The following ROBO1 variants were observed in gnomAD, a reference collection of about 807,000 sequenced individuals.
The protein encoded by ROBO1 is roundabout guidance receptor 1.
A neutral mutation model predicts 195.9 loss-of-function variants in ROBO1; 149 were observed. The ratio of observed to expected loss-of-function variants is 0.76; its 90% CI spans 0.67 to 0.87. The LOEUF is 0.87. ROBO1 is among the 40% of genes least tolerant of loss of function. The probability of loss-of-function intolerance (pLI) is 0.00; values close to 1 mark genes in which losing one functional copy is unlikely to be tolerated. For missense variants in ROBO1, 1,933 were observed against 2,068.3 expected, an observed-to-expected ratio of 0.93 and a Z score of 1.27; for synonymous variants, 816 against 733.2, an observed-to-expected ratio of 1.11 and a Z score of -1.82.
At chr3:79,106,517 C>T (rs2079783319) in intron 3 of ROBO1, among the ~76,000 whole-genome samples, 1 of 151,506 alleles carries the variant, frequency 6.6e-6, no homozygotes, top group African/African-American at 2.4e-5. Flanking sequence ...TTAGCACTTT[C>T]CTCATGTATT....
At chr3:79,147,583 C>G (rs539351602) in intron 2 of ROBO1, among the ~76,000 whole-genome samples, 63 of 151,986 alleles carry the variant, frequency 4.1e-4, no homozygotes, top group African/African-American at 1.5e-3. Flanking sequence ...GGGAGACCAG[C>G]CAGCATCATT....
intron 2 of ROBO1, among the ~76,000 whole-genome samples, chr3:79,152,021 G>A (rs993069041): frequency 4.0e-5 from 6 of 151,442 alleles, no homozygotes; most frequent in African/African-American, 7.3e-5. Flanking sequence ...ACATTTATAC[G>A]AATACATATT....
At chr3:79,331,405 G>C (rs2034433507) in intron 2 of ROBO1, among the ~76,000 whole-genome samples, 2 of 152,062 alleles carry the variant, frequency 1.3e-5, no homozygotes, top group South Asian at 4.1e-4. Context: ...AAATAATTAA[G>C]ATAAAACAGT....
chr3:78,942,147 A>T (rs1009559797), intron 3 of ROBO1, among the ~76,000 whole-genome samples: 2 of 152,062 alleles, frequency 1.3e-5, no homozygotes, highest in Non-Finnish European at 2.9e-5. Context: ...TAAAAAATTC[A>T]AACAATTAGC....
intron 3 of ROBO1, among the ~76,000 whole-genome samples, chr3:78,948,471 A>G (rs911795375): frequency 1.3e-5 from 2 of 152,198 alleles, no homozygotes; most frequent in African/African-American, 4.8e-5. Context: ...ACAACTCTTC[A>G]TGCTAAAAGC....
intron 4 of ROBO1, among the ~76,000 whole-genome samples, chr3:78,817,258 G>A (rs539839446): frequency 6.6e-6 from 1 of 152,194 alleles, no homozygotes; most frequent in Non-Finnish European, 1.5e-5. Context: ...ATCAAGACAA[G>A]ACTGTCTACC....
At chr3:78,698,589 G>C (rs2081352167) in intron 8 of ROBO1, among the ~76,000 whole-genome samples, 1 of 152,114 alleles carries the variant, frequency 6.6e-6, no homozygotes. Context: ...GGAAGGCAGA[G>C]AGCTACTAGC....
intron 4 of ROBO1, among the ~76,000 whole-genome samples, chr3:78,861,942 C>T (rs1336520075): frequency 6.6e-6 from 1 of 152,164 alleles, no homozygotes; most frequent in African/African-American, 2.4e-5. Flanking sequence ...AGATTTACAA[C>T]AACCTAAGGG....
At chr3:79,563,329 A>G (rs1355130280) in intron 2 of ROBO1, among the ~76,000 whole-genome samples, 2 of 152,084 alleles carry the variant, frequency 1.3e-5, no homozygotes, top group African/African-American at 2.4e-5. Context: ...ACTACAAATG[A>G]TAAGATGTAA....
chr3:79,255,198 A>C (rs1243938646), intron 2 of ROBO1, among the ~76,000 whole-genome samples: 1 of 152,106 alleles, frequency 6.6e-6, no homozygotes, highest in African/African-American at 2.4e-5. Flanking sequence ...TAAAACAAAT[A>C]AAAATAAAAA....
intron 4 of ROBO1, among the ~76,000 whole-genome samples, chr3:78,762,675 A>C (rs1006825807): frequency 1.3e-5 from 2 of 152,170 alleles, no homozygotes; most frequent in Admixed American, 1.3e-4. Flanking sequence ...AACTTCCCCC[A>C]AAATAAAAGA....
intron 4 of ROBO1, among the ~76,000 whole-genome samples, chr3:78,866,266 A>G (rs2035171979): frequency 6.6e-6 from 1 of 152,236 alleles, no homozygotes; most frequent in African/African-American, 2.4e-5. Context: ...AAAGCAATAG[A>G]GCATTTAGAA....
chr3:79,504,502 T>A (rs563826025), intron 2 of ROBO1, among the ~76,000 whole-genome samples: 1 of 152,262 alleles, frequency 6.6e-6, no homozygotes, highest in South Asian at 2.1e-4. Flanking sequence ...AAAGATATAT[T>A]TTTTAAGCTT....
intron 2 of ROBO1, among the ~76,000 whole-genome samples, chr3:79,510,663 T>C (rs1228360662): frequency 6.6e-6 from 1 of 151,198 alleles, no homozygotes; most frequent in Admixed American, 6.6e-5. Flanking sequence ...TAGGGAAAAA[T>C]TATCTACACT....
intron 1 of ROBO1, among the ~76,000 whole-genome samples, chr3:79,753,463 C>A (rs1006254151): frequency 1.3e-5 from 2 of 152,124 alleles, no homozygotes; most frequent in African/African-American, 4.8e-5. Context: ...AGAGACTTAT[C>A]TGCAAATCAG....
At chr3:79,620,115 C>A (rs1383929529) in intron 1 of ROBO1, among the ~76,000 whole-genome samples, 2 of 152,172 alleles carry the variant, frequency 1.3e-5, no homozygotes, top group African/African-American at 2.4e-5. Context: ...GGCCACTGGG[C>A]CAAGGAATGT....
intron 1 of ROBO1, among the ~76,000 whole-genome samples, chr3:79,661,465 G>T (rs1273259078): frequency 2.0e-5 from 3 of 151,930 alleles, no homozygotes; most frequent in African/African-American, 4.8e-5. Flanking sequence ...CAAGAGTTCT[G>T]CCCATTCAAA....
At chr3:79,086,230 A>T (rs1333312349) in intron 3 of ROBO1, among the ~76,000 whole-genome samples, 1 of 152,066 alleles carries the variant, frequency 6.6e-6, no homozygotes, top group Admixed American at 6.6e-5. Context: ...TAGTAATGCT[A>T]ATGTGGGCAA....
chr3:79,342,394 G>A (rs996440592), intron 2 of ROBO1, among the ~76,000 whole-genome samples: 1 of 152,166 alleles, frequency 6.6e-6, no homozygotes, highest in Admixed American at 6.5e-5. Flanking sequence ...AAGGGAGAAA[G>A]TGATAAATTT....
Sources: gnomAD v4.1 joint callset for allele counts (sites outside exome capture counted in the v4.1 genomes callset) on GRCh38, gnomAD v4.1.1 for gene constraint, MANE v1.5 for transcripts, NCBI Gene and HGNC (gene_info 2026-07-23, HGNC 2026-07-21) for gene names.